ROBO2: variants seen among roughly 807,000 people sequenced by gnomAD.
ROBO2 encodes roundabout homolog 2.
In ROBO2, 53 loss-of-function variants were observed where a neutral mutation model predicts 160.8. The observed-to-expected ratio is 0.33, with a 90% CI of 0.26 to 0.41. The LOEUF is 0.41. Among genes scored for constraint, ROBO2 ranks in the 10% least tolerant of loss-of-function variants. ROBO2 has a pLI of 1.00. For synonymous variants in ROBO2, 664 were observed against 611.7 expected, an observed-to-expected ratio of 1.09 and a Z score of -1.26; for missense variants, 1,577 against 1,722.4, an observed-to-expected ratio of 0.92 and a Z score of 1.49.
intron 2 of ROBO2, among the ~76,000 whole-genome samples, chr3:76,894,978 TTG>T (rs1188429514): frequency 6.6e-6 from 1 of 152,144 alleles, no homozygotes; most frequent in Non-Finnish European, 1.5e-5. Context: ...AGAGAATTGT[TTG>T]TGTTAACTAT....
chr3:76,443,750 G>A (rs2077037349), intron 2 of ROBO2, among the ~76,000 whole-genome samples: 1 of 152,048 alleles, frequency 6.6e-6, no homozygotes, highest in Non-Finnish European at 1.5e-5. Flanking sequence ...ACACTAGACT[G>A]ACTTAATCAG....
chr3:77,231,578 C>T (rs1262394180), intron 2 of ROBO2, among the ~76,000 whole-genome samples: 2 of 151,842 alleles, frequency 1.3e-5, no homozygotes, highest in Admixed American at 1.3e-4. Flanking sequence ...GAGGTGGCCA[C>T]GCTGGAATCT....
intron 2 of ROBO2, among the ~76,000 whole-genome samples, chr3:76,230,367 A>G (rs1021129798): frequency 2.6e-5 from 4 of 152,034 alleles, no homozygotes; most frequent in African/African-American, 9.7e-5. Context: ...CCAGGTTACT[A>G]CTACATTTGT....
intron 2 of ROBO2, chr3:77,317,462 A>T: frequency 1.3e-6 from 2 of 1,525,998 alleles, no homozygotes; most frequent in Non-Finnish European, 1.8e-6. Context: ...TGGTGGTCTC[A>T]GTGTTGGCTG....
chr3:76,754,052 A>T (rs1465524886), intron 2 of ROBO2, among the ~76,000 whole-genome samples: 1 of 151,884 alleles, frequency 6.6e-6, no homozygotes, highest in Middle Eastern at 3.2e-3. Context: ...GTATAAATAT[A>T]ATAAAGGAAA....
chr3:77,049,112 T>A (rs185481853), intron 1 of ROBO2, among the ~76,000 whole-genome samples: 28 of 152,266 alleles, frequency 1.8e-4, no homozygotes, highest in African/African-American at 6.7e-4. Context: ...AAGGATCGCT[T>A]GAGCCTAGGT....
In ROBO2 at chr3:77,090,323, CTTTTTTTTTTTTTTTTTTTTTTTTTT is replaced by C. The variant is rs542280937; in HGVS notation, c.62-7668_62-7643del. Among the ~76,000 whole-genome samples the C allele has an allele frequency of 1.3e-3, 95 of 70,736 alleles. No homozygotes were observed. In the East Asian group the frequency reaches 0.014, roughly 10 times the overall value. The allele number at this position is 70,736 out of a possible 152,430, so 46.4% of individuals were successfully genotyped here. On this transcript the variant is annotated intron_variant, in intron 1 of 25. Coordinates refer to ENST00000461745, the Ensembl canonical transcript of ROBO2. ...ATTTCTTTTAATCTTCTAAACCACT[CTTTTTTTTTTTTTTTTTTTTTTTTTT>C]TTTTTTTTTTTTTTTTTTTTTTGAG... is the stretch of plus-strand genomic sequence containing the variant.
At chr3:77,100,493 T>C (rs1188751098) in intron 2 of ROBO2, among the ~76,000 whole-genome samples, 1 of 151,932 alleles carries the variant, frequency 6.6e-6, no homozygotes, top group East Asian at 1.9e-4. Context: ...TGGTAACTAA[T>C]ATGTATTTTC....
At chr3:76,215,461 T>C (rs560192931) in intron 2 of ROBO2, among the ~76,000 whole-genome samples, 2 of 152,250 alleles carry the variant, frequency 1.3e-5, no homozygotes, top group East Asian at 1.9e-4. Context: ...AGAGAAGTCC[T>C]TAAAGGACCT....
At chr3:76,215,942 G>T (rs1377576760) in intron 2 of ROBO2, among the ~76,000 whole-genome samples, 2 of 152,148 alleles carry the variant, frequency 1.3e-5, no homozygotes, top group Admixed American at 6.6e-5. Flanking sequence ...GGGAAGCCCA[G>T]CAGACTAACA....
At chr3:76,651,766 A>G (rs796473742) in intron 2 of ROBO2, among the ~76,000 whole-genome samples, 1 of 152,312 alleles carries the variant, frequency 6.6e-6, no homozygotes, top group African/African-American at 2.4e-5. Context: ...CTATTCACAT[A>G]TGCAAGGACT....
At chr3:76,124,267 G>A (rs2108303246) in intron 2 of ROBO2, among the ~76,000 whole-genome samples, 1 of 152,120 alleles carries the variant, frequency 6.6e-6, no homozygotes, top group East Asian at 1.9e-4. Context: ...ATTATTTCCT[G>A]ATTTCAAGGA....
At chr3:76,508,455 C>G (rs1316337954) in intron 2 of ROBO2, among the ~76,000 whole-genome samples, 1 of 152,088 alleles carries the variant, frequency 6.6e-6, no homozygotes, top group African/African-American at 2.4e-5. Flanking sequence ...TGGACCTACT[C>G]AATCTATTTT....
chr3:76,844,478 A>G (rs573571549), intron 2 of ROBO2, among the ~76,000 whole-genome samples: 11 of 151,860 alleles, frequency 7.2e-5, no homozygotes, highest in Non-Finnish European at 1.5e-4. Flanking sequence ...GTAAGTGAAA[A>G]CCGTGAATAG....
intron 16 of ROBO2, among the ~76,000 whole-genome samples, chr3:77,581,714 G>A (rs775153116): frequency 2.6e-5 from 4 of 152,000 alleles, no homozygotes; most frequent in Non-Finnish European, 4.4e-5. Flanking sequence ...AATGTTTCTT[G>A]TACACTTGAA....
intron 2 of ROBO2, among the ~76,000 whole-genome samples, chr3:76,819,213 A>T (rs1173649954): frequency 6.6e-6 from 1 of 152,088 alleles, no homozygotes; most frequent in Non-Finnish European, 1.5e-5. Context: ...TAATCTAATC[A>T]TGGGTCAGAG....
At chr3:77,394,403 G>GA (rs1489218269) in intron 2 of ROBO2, among the ~76,000 whole-genome samples, 2 of 151,948 alleles carry the variant, frequency 1.3e-5, no homozygotes, top group African/African-American at 4.8e-5. Flanking sequence ...ATAAAGGGAA[G>GA]AAAAAATTCC....
intron 2 of ROBO2, among the ~76,000 whole-genome samples, chr3:76,943,164 G>A (rs1021341531): frequency 1.3e-5 from 2 of 152,110 alleles, no homozygotes; most frequent in African/African-American, 4.8e-5. Flanking sequence ...TTCTTCAGTG[G>A]GTTGACTTTG....
chr3:77,463,501 G>T (rs1394633448), intron 2 of ROBO2, among the ~76,000 whole-genome samples: 1 of 151,936 alleles, frequency 6.6e-6, no homozygotes, highest in African/African-American at 2.4e-5. Flanking sequence ...CATAGTAATT[G>T]ATTGACCCCA....
Sources: gnomAD v4.1 joint callset for allele counts (sites outside exome capture counted in the v4.1 genomes callset) on GRCh38, gnomAD v4.1.1 for gene constraint, MANE v1.5 for transcripts, NCBI Gene and HGNC (gene_info 2026-07-23, HGNC 2026-07-21) for gene names.